The following TOX variants were observed in gnomAD, a reference collection of about 807,000 sequenced individuals.
TOX encodes thymocyte selection associated high mobility group box, also known as thymocyte selection-associated high mobility group box protein TOX.
In TOX, 11 loss-of-function variants were observed where a neutral mutation model predicts 53.7. That is an observed-to-expected ratio of 0.20 (90% confidence interval 0.13 to 0.34). The LOEUF is 0.34. Among genes scored for constraint, TOX ranks in the 10% least tolerant of loss-of-function variants. The pLI is 1.00. For synonymous variants in TOX, 225 were observed against 245.3 expected, an observed-to-expected ratio of 0.92 and a Z score of 0.77; for missense variants, 570 against 664.6, an observed-to-expected ratio of 0.86 and a Z score of 1.56.
chr8:58,813,900 C>G (rs7838449), intron 7 of TOX, among the ~76,000 whole-genome samples: 3 of 151,862 alleles, frequency 2.0e-5, no homozygotes, highest in African/African-American at 7.3e-5. Flanking sequence ...ACAAGAACGA[C>G]TGTGAATGAG....
At chr8:59,020,184 T>C (rs901928294) in intron 1 of TOX, among the ~76,000 whole-genome samples, 1 of 152,218 alleles carries the variant, frequency 6.6e-6, no homozygotes, top group East Asian at 1.9e-4. Context: ...TCATAAACCA[T>C]ACTGGGCTTC....
chr8:59,007,837 T>C (rs912245194), intron 1 of TOX, among the ~76,000 whole-genome samples: 15 of 152,174 alleles, frequency 9.9e-5, no homozygotes, highest in African/African-American at 3.1e-4. Context: ...TCCAACAACA[T>C]GGGACAGTCA....
At chr8:58,853,766 T>C (rs1300469752) in intron 3 of TOX, among the ~76,000 whole-genome samples, 1 of 152,254 alleles carries the variant, frequency 6.6e-6, no homozygotes, top group Non-Finnish European at 1.5e-5. Flanking sequence ...AAAATGGTTG[T>C]TGCCTCTTCT....
intron 1 of TOX, among the ~76,000 whole-genome samples, chr8:59,089,693 G>A (rs1804574290): frequency 6.6e-6 from 1 of 152,218 alleles, no homozygotes; most frequent in Non-Finnish European, 1.5e-5. Context: ...GGGCTCAAGG[G>A]ATCCTCCGCC....
intron 3 of TOX, among the ~76,000 whole-genome samples, chr8:58,886,970 A>G (rs1379622440): frequency 1.3e-5 from 2 of 151,938 alleles, no homozygotes; most frequent in Non-Finnish European, 1.5e-5. Flanking sequence ...CTCTGTAAAC[A>G]TAAGACTAAA....
chr8:59,035,721 A>C (rs1011064909), intron 1 of TOX, among the ~76,000 whole-genome samples: 20 of 152,236 alleles, frequency 1.3e-4, no homozygotes, highest in African/African-American at 4.1e-4. Context: ...AAAGCCAAAA[A>C]TGTCCTGAAA....
At chr8:58,999,340 A>G (rs1813646318) in intron 1 of TOX, among the ~76,000 whole-genome samples, 1 of 152,128 alleles carries the variant, frequency 6.6e-6, no homozygotes, top group Non-Finnish European at 1.5e-5. Context: ...AAAAAAACCA[A>G]TAAATTAAAG....
chr8:58,959,990 A>G lies in TOX; in HGVS notation c.121T>C (p.Tyr41His), dbSNP rs752920310. The G allele has an allele frequency of 6.2e-7, 1 of 1,614,220 alleles. No individual in the cohort carries two copies. ...TGGCTCGGCTCTGTCATGCTCATAT[A>G]CATGTTCTCACCGTCAAACTGCGAA... ...YCNKFDGENM[Y>H]MSMTEPSQDY... is the part of the protein sequence containing the mutation. Residue 41 changes from tyrosine to histidine, a missense_variant, in exon 2 of 9, where the codon TAT (tyrosine) becomes CAT (histidine). Physicochemically the swap from Tyr to His is moderately conservative, Grantham distance 83. Transcript: ENST00000361421.
At chr8:58,867,844 C>T (rs941776169) in intron 3 of TOX, among the ~76,000 whole-genome samples, 1 of 152,138 alleles carries the variant, frequency 6.6e-6, no homozygotes. Flanking sequence ...GTTGTCAGTG[C>T]CCAATTCAGG....
chr8:58,856,303 A>G (rs902306046), intron 3 of TOX, among the ~76,000 whole-genome samples: 1 of 152,194 alleles, frequency 6.6e-6, no homozygotes, highest in Non-Finnish European at 1.5e-5. Flanking sequence ...TTTCTTTAAC[A>G]TGTATGTACC....
chr8:58,814,362 G>A (rs1810136491), intron 7 of TOX: 2 of 152,048 alleles, frequency 1.3e-5, no homozygotes, highest in Admixed American at 1.3e-4. Flanking sequence ...TGCATTTAAT[G>A]TGATTTGTAG....
At chr8:59,026,125 T>G (rs1282252543) in intron 1 of TOX, among the ~76,000 whole-genome samples, 3 of 151,796 alleles carry the variant, frequency 2.0e-5, no homozygotes, top group African/African-American at 7.3e-5. Context: ...ATTTTATGTT[T>G]TTTTTTTCTT....
chr8:58,808,262 G>C lies in TOX; in HGVS notation c.1400C>G (p.Thr467Ser), dbSNP rs142623680. Residue 467 changes from threonine to serine, a missense_variant, in exon 8 of 9, where the codon ACT becomes AGT. By Grantham distance (58) the Thr-to-Ser change is moderately conservative. This residue lies in a region of TOX where 239 missense variants were observed against 250.7 expected (regional missense o/e 0.95). Coordinates refer to ENST00000361421, the MANE Select transcript of TOX (RefSeq NM_014729.3). ...LHSPTMQQGF[T>S]LQPDYQTIIN... ...AATAGTCTGATAGTCGGGTTGAAGA[G>C]TAAATCCCTGAAAGGGAAAGCAAGT... 11 of 1,606,830 alleles carry C rather than the reference G, an allele frequency of 6.8e-6. No homozygotes were observed. The East Asian group carries it at 2.5e-4, about 36-fold the overall frequency.
At chr8:58,881,930 C>A (rs1310055912) in intron 3 of TOX, among the ~76,000 whole-genome samples, 1 of 152,106 alleles carries the variant, frequency 6.6e-6, no homozygotes, top group Non-Finnish European at 1.5e-5. Context: ...GGAAACCAGT[C>A]CTCAAAAAGG....
chr8:58,958,808 A>C (rs1019598088), intron 2 of TOX, among the ~76,000 whole-genome samples: 2 of 152,222 alleles, frequency 1.3e-5, no homozygotes, highest in African/African-American at 2.4e-5. Context: ...CAGAGAAGGC[A>C]GTAATCCTAA....
chr8:58,990,180 G>A (rs1813414320), intron 1 of TOX, among the ~76,000 whole-genome samples: 1 of 152,146 alleles, frequency 6.6e-6, no homozygotes, highest in African/African-American at 2.4e-5. Context: ...CAAAACTGAG[G>A]CACAGAGCAG....
intron 3 of TOX, among the ~76,000 whole-genome samples, chr8:58,864,571 AC>A (rs1328831683): frequency 6.6e-6 from 1 of 152,344 alleles, no homozygotes; most frequent in East Asian, 1.9e-4. Context: ...CTAGAGCTTT[AC>A]AACGTTCATT....
At chr8:58,857,179 C>T (rs1257767351) in intron 3 of TOX, among the ~76,000 whole-genome samples, 1 of 152,156 alleles carries the variant, frequency 6.6e-6, no homozygotes, top group Non-Finnish European at 1.5e-5. Context: ...GCCAGCTTCA[C>T]ATAAATAGTT....
intron 1 of TOX, among the ~76,000 whole-genome samples, chr8:58,963,386 A>G (rs117790173): frequency 5.0e-4 from 76 of 152,286 alleles, no homozygotes; most frequent in Non-Finnish European, 9.3e-4. Flanking sequence ...CTATCCATCC[A>G]TCCAGTTGGT....
Sources: gnomAD v4.1 joint callset for allele counts (sites outside exome capture counted in the v4.1 genomes callset) on GRCh38, gnomAD v4.1.1 for gene constraint, gnomAD v4.1.1 regional missense constraint, MANE v1.5 for transcripts, NCBI Gene and HGNC (gene_info 2026-07-23, HGNC 2026-07-21) for gene names.